Variants in ADGRE2 observed in about 807,000 individuals in gnomAD.
ADGRE2 encodes the protein CD97 antigen.
ADGRE2 carries 83 observed loss-of-function variants against 100.8 expected under a neutral mutation model. That is an observed-to-expected ratio of 0.82 (90% CI 0.69 to 0.99). The LOEUF (loss-of-function observed/expected upper bound fraction) is 0.99. Among genes scored for constraint, ADGRE2 ranks in the 50% least tolerant of loss-of-function variants. The pLI, the probability that ADGRE2 is intolerant of heterozygous loss-of-function variation, is 0.00. For missense variants in ADGRE2, 814 were observed against 1,035.7 expected (o/e 0.79, Z 2.94); for synonymous variants, 355 against 413.0 (o/e 0.86, Z 1.70).
rs1404361511 is a variant in ADGRE2 at position 14,733,970 on chromosome 19, C to A, written c.*2266G>T. The A allele has an allele frequency of 3.3e-5, 5 of 152,298 alleles. No homozygotes were observed. The East Asian group carries it at 9.6e-4, about 29-fold the overall frequency. 9.4% of individuals were successfully genotyped at this position (152,298 alleles called of 1,614,324 possible). On this transcript the variant is annotated 3_prime_UTR_variant, in exon 21 of 21. Coordinates refer to ENST00000315576, the MANE Select transcript of ADGRE2 (RefSeq NM_013447.4). ...TACTCATTGAGCTTATACGGACAGG[C>A]ACAGAGCAGTGAAAAATGTGAGTTG...
At chr19:14,751,143 A>G (rs1262322639) in intron 16 of ADGRE2, among the ~76,000 whole-genome samples, 3 of 152,186 alleles carry the variant, frequency 2.0e-5, no homozygotes, top group Non-Finnish European at 4.4e-5. Context: ...TCTAGCAGAA[A>G]GATGCCCTAG....
intron 11 of ADGRE2, among the ~76,000 whole-genome samples, chr19:14,760,294 C>G (rs1370987442): frequency 6.6e-6 from 1 of 152,106 alleles, no homozygotes; most frequent in Non-Finnish European, 1.5e-5. Context: ...TCTAGGCAAG[C>G]AACAAAGTAT....
intron 6 of ADGRE2, among the ~76,000 whole-genome samples, chr19:14,766,596 G>A (rs1373063962): frequency 6.6e-6 from 1 of 152,216 alleles, no homozygotes; most frequent in Non-Finnish European, 1.5e-5. Context: ...CCAGTTTATA[G>A]GAGGTGAAAC....
chr19:14,727,394 G>A (rs1174521085), downstream of ADGRE2, among the ~76,000 whole-genome samples: 1 of 152,172 alleles, frequency 6.6e-6, no homozygotes, highest in Non-Finnish European at 1.5e-5. Flanking sequence ...ACATCTGCTT[G>A]TCTTCTGGTG....
At position 14,764,521 on chromosome 19, in the gene ADGRE2, G is replaced by A. The variant is rs1427542927; in HGVS notation, c.996C>T (p.His332=). 1.2e-6 allele frequency: 2 copies of A among 1,612,964 alleles called. No homozygotes were observed. The highest frequency in any genetic ancestry group is 2.7e-5 in the African/African-American group (2 of 74,934). Residue 332 remains histidine, a synonymous_variant, in exon 11 of 21, where the codon CAC becomes CAT. Coordinates refer to ENST00000315576, the MANE Select transcript of ADGRE2 (RefSeq NM_013447.4). ...GGACATCCTCTAGGCCATCCAGCAG[G>A]TGACTGGCCACACAGTGCTGCTGTA... ...PRLQQHCVAS[H]LLDGLEDVLR...
chr19:14,764,845 C>T (rs539051590), intron 10 of ADGRE2, among the ~76,000 whole-genome samples: 26 of 152,222 alleles, frequency 1.7e-4, no homozygotes, highest in African/African-American at 6.3e-4. Flanking sequence ...GGTGAAACCC[C>T]GTCTCTACTA....
At chr19:14,744,324 A>G (rs1034718422) in intron 18 of ADGRE2, among the ~76,000 whole-genome samples, 1 of 152,200 alleles carries the variant, frequency 6.6e-6, no homozygotes. Flanking sequence ...TCAAATCACC[A>G]ATACAACCAG....
At position 14,733,976 on chromosome 19, in the gene ADGRE2, G is replaced by A. The variant is rs1456452738; in HGVS notation, c.*2260C>T. ...TTGAGCTTATACGGACAGGCACAGA[G>A]CAGTGAAAAATGTGAGTTGCACTGG... On this transcript the variant is annotated 3_prime_UTR_variant, in exon 21 of 21. Coordinates refer to ENST00000315576, the MANE Select transcript of ADGRE2 (RefSeq NM_013447.4). 6.6e-6 allele frequency: 1 copy of A among 152,220 alleles called. No homozygotes were observed. Among genetic ancestry groups the A allele is most frequent in the East Asian group, 1.9e-4 (1 of 5,196 alleles). 9.4% of individuals were successfully genotyped at this position (152,220 alleles called of 1,614,324 possible).
chr19:14,763,333 ACT>A (rs1292048219), intron 11 of ADGRE2, among the ~76,000 whole-genome samples: 1 of 151,936 alleles, frequency 6.6e-6, no homozygotes, highest in Non-Finnish European at 1.5e-5. Context: ...ACAGAGTGAG[ACT>A]CTGTCTCAAA....
chr19:14,775,527 G>A (rs1317149434), intron 2 of ADGRE2, among the ~76,000 whole-genome samples: 2 of 151,918 alleles, frequency 1.3e-5, no homozygotes, highest in African/African-American at 2.4e-5. Flanking sequence ...TGTCTGGTGT[G>A]CCTGAGCATT....
At chr19:14,726,469 C>T in the ADGRE2 span, among the ~76,000 whole-genome samples, 6 of 152,326 alleles carry the variant, frequency 3.9e-5, no homozygotes, top group South Asian at 1.0e-3. Flanking sequence ...CTCTTTCCTT[C>T]TTTACCGCAT....
chr19:14,729,719 G>A (rs1241814025), downstream of ADGRE2, among the ~76,000 whole-genome samples: 1 of 152,114 alleles, frequency 6.6e-6, no homozygotes, highest in Non-Finnish European at 1.5e-5. Flanking sequence ...GGTGACTATA[G>A]TTAATAATAA....
chr19:14,752,108 T>G (rs547070013), intron 15 of ADGRE2, among the ~76,000 whole-genome samples: 3 of 151,996 alleles, frequency 2.0e-5, no homozygotes, highest in African/African-American at 7.2e-5. Flanking sequence ...TAATTTTGTA[T>G]TTTTAGTAGA....
chr19:14,741,724 A>G (rs2147123763), intron 20 of ADGRE2: 1 of 218,954 alleles, frequency 4.6e-6, no homozygotes, highest in Middle Eastern at 1.5e-3. Context: ...TGACTTTGTG[A>G]TCCACCTGCC....
chr19:14,763,822 CCTCTCCTCCTCCTT>C (rs2043839664), intron 11 of ADGRE2, among the ~76,000 whole-genome samples: 1 of 115,826 alleles, frequency 8.6e-6, no homozygotes, highest in East Asian at 2.6e-4. Flanking sequence ...TCCTCTTCCT[CCTCTCCTCCTCCTT>C]CTCTCCTCCT....
In ADGRE2 at chr19:14,755,715, A is replaced by C; in HGVS notation, c.1355T>G (p.Phe452Cys). 1 of 1,614,168 alleles carries C rather than the reference A, an allele frequency of 6.2e-7. No individual in the cohort carries two copies. Among genetic ancestry groups the C allele is most frequent in the Non-Finnish European group, 8.5e-7 (1 of 1,180,028 alleles). ...GTTTTGGGTGTCGTTGTTGCTCAGAAAGGCAGAGATCACATCTGAGAGCAG... is the reference window on the plus strand; with the variant it reads ...GTTTTGGGTGTCGTTGTTGCTCAGACAGGCAGAGATCACATCTGAGAGCAG... Reference protein sequence around the residue: ...PILLSDVISAFLSNNDTQNLS... With the variant: ...PILLSDVISACLSNNDTQNLS... Residue 452 changes from phenylalanine (F) to cysteine (C), a missense_variant, in exon 13 of 21, where the codon TTT (phenylalanine) becomes TGT (cysteine). Transcript: ENST00000315576.
intron 15 of ADGRE2, 125 bp downstream of exon 15, chr19:14,752,204 A>G: frequency 8.2e-7 from 1 of 1,217,108 alleles, no homozygotes; most frequent in African/African-American, 1.5e-5. Context: ...AAGTGCTGGG[A>G]TTACAGGCAT....
At chr19:14,775,838 G>A (rs1433374626) in intron 2 of ADGRE2, among the ~76,000 whole-genome samples, 4 of 137,718 alleles carry the variant, frequency 2.9e-5, no homozygotes, top group Non-Finnish European at 6.1e-5. Flanking sequence ...CAGCCTGGGC[G>A]ACAGAGCAAG....
chr19:14,744,800 T>C (rs747380937), intron 18 of ADGRE2, among the ~76,000 whole-genome samples: 1 of 151,856 alleles, frequency 6.6e-6, no homozygotes, highest in Non-Finnish European at 1.5e-5. Flanking sequence ...AGAGGGAGGA[T>C]TGCATGAGAA....
Sources: allele counts gnomAD v4.1 joint callset (sites outside exome capture counted in the v4.1 genomes callset), GRCh38; gene constraint gnomAD v4.1.1; transcripts MANE v1.5; gene names NCBI Gene and HGNC (gene_info 2026-07-23, HGNC 2026-07-21).